Variants in NEBL observed in about 807,000 individuals in gnomAD.
NEBL encodes LIM and SH3 protein 2.
NEBL carries 122 observed loss-of-function variants against 140.2 expected under a neutral mutation model. The observed-to-expected ratio is 0.87, with a 90% CI of 0.75 to 1.01. The LOEUF is 1.01. NEBL is among the 50% of genes least tolerant of loss of function. The probability of loss-of-function intolerance (pLI) is 0.00; values close to 1 mark genes in which losing one functional copy is unlikely to be tolerated. For missense variants in NEBL, 1,365 were observed against 1,231.3 expected, an observed-to-expected ratio of 1.11 and a Z score of -1.62; for synonymous variants, 436 against 398.9, an observed-to-expected ratio of 1.09 and a Z score of -1.11.
chr10:21,278,927 T>C (rs1469331357), intron 1 of NEBL, among the ~76,000 whole-genome samples: 1 of 152,126 alleles, frequency 6.6e-6, no homozygotes. Context: ...TTGTATTGTA[T>C]GTGCATGGCA....
At chr10:21,171,814 C>G (rs1322182137) in intron 2 of NEBL, 1 of 161,242 alleles carries the variant, frequency 6.2e-6, no homozygotes, top group African/African-American at 2.4e-5. Context: ...CGGAAGTACC[C>G]GGTCTACTTC....
At chr10:20,825,767 A>T (rs1398463480) in intron 18 of NEBL, among the ~76,000 whole-genome samples, 1 of 152,184 alleles carries the variant, frequency 6.6e-6, no homozygotes, top group East Asian at 1.9e-4. Context: ...AATGGAAAAA[A>T]CAATTTATCC....
chr10:21,288,488 C>T (rs992907866), intron 1 of NEBL, among the ~76,000 whole-genome samples: 1 of 151,038 alleles, frequency 6.6e-6, no homozygotes, highest in Non-Finnish European at 1.5e-5. Context: ...AAAAGCCCGA[C>T]GCGGTGGCTC....
rs1847597957 is a variant in NEBL, at chr10:20,897,266, C to A, written c.-61G>T. ...ACTCATGTGGCGTCCTTTTCCATAC[C>A]ACAGTGCCCTTGAGATGCTGACGTC... On this transcript the variant is annotated 5_prime_UTR_variant, in exon 1 of 28. Coordinates refer to ENST00000377122, the MANE Select transcript of NEBL (RefSeq NM_006393.3). The A allele has an allele frequency of 1.2e-5, 18 of 1,524,080 alleles. No homozygotes were observed. In the South Asian group the frequency reaches 2.3e-4, roughly 19 times the overall value. 94.4% of individuals were successfully genotyped at this position (1,524,080 alleles called of 1,614,324 possible).
chr10:21,159,165 T>G (rs551229187), intron 2 of NEBL, among the ~76,000 whole-genome samples: 2 of 152,332 alleles, frequency 1.3e-5, no homozygotes, highest in South Asian at 4.1e-4. Flanking sequence ...AATTAACACT[T>G]TTTCAATCAG....
intron 2 of NEBL, among the ~76,000 whole-genome samples, chr10:21,140,780 G>C (rs1400993466): frequency 3.3e-5 from 5 of 151,988 alleles, no homozygotes; most frequent in Non-Finnish European, 7.4e-5. Flanking sequence ...ATCACACATG[G>C]GGGCCTGTCG....
At chr10:20,955,224 A>T (rs1428340893) in intron 4 of NEBL, among the ~76,000 whole-genome samples, 1 of 152,228 alleles carries the variant, frequency 6.6e-6, no homozygotes, top group Non-Finnish European at 1.5e-5. Flanking sequence ...ATGGAAAGAG[A>T]CATGGATGAT....
At chr10:20,918,380 C>T (rs1396740479) in intron 4 of NEBL, among the ~76,000 whole-genome samples, 1 of 151,630 alleles carries the variant, frequency 6.6e-6, no homozygotes, top group Admixed American at 6.6e-5. Flanking sequence ...CCAAGCTCCA[C>T]TGTTCACCGA....
chr10:20,991,358 T>A (rs1837447832), intron 3 of NEBL, among the ~76,000 whole-genome samples: 1 of 152,156 alleles, frequency 6.6e-6, no homozygotes, highest in Non-Finnish European at 1.5e-5. Context: ...ATGACAGTGT[T>A]ATAAACACTG....
At chr10:21,222,535 C>T (rs983585546) in intron 3 of NEBL, among the ~76,000 whole-genome samples, 5 of 152,032 alleles carry the variant, frequency 3.3e-5, no homozygotes, top group African/African-American at 1.2e-4. Flanking sequence ...CTTATTGCTG[C>T]CAATTCTAAA....
chr10:21,093,589 C>T (rs1034082687), intron 2 of NEBL, among the ~76,000 whole-genome samples: 8 of 152,120 alleles, frequency 5.3e-5, no homozygotes, highest in African/African-American at 1.9e-4. Context: ...GAATATGCAA[C>T]CAGATGGGGG....
intron 4 of NEBL, among the ~76,000 whole-genome samples, chr10:20,943,480 C>T (rs1045545094): frequency 6.6e-6 from 1 of 152,028 alleles, no homozygotes; most frequent in Non-Finnish European, 1.5e-5. Flanking sequence ...TAGGAATATA[C>T]CTAATGTTAA....
chr10:21,212,588 G>A (rs528928650), intron 3 of NEBL, among the ~76,000 whole-genome samples: 1 of 152,258 alleles, frequency 6.6e-6, no homozygotes, highest in African/African-American at 2.4e-5. Flanking sequence ...GAAAGGGGTG[G>A]AATCACCCGG....
chr10:21,060,406 G>A (rs545374308), intron 2 of NEBL, among the ~76,000 whole-genome samples: 1 of 152,168 alleles, frequency 6.6e-6, no homozygotes, highest in Non-Finnish European at 1.5e-5. Flanking sequence ...TACCTGGAAT[G>A]GTGGTTCTCA....
intron 2 of NEBL, among the ~76,000 whole-genome samples, chr10:20,892,851 C>T (rs777555192): frequency 6.6e-6 from 1 of 152,194 alleles, no homozygotes; most frequent in Non-Finnish European, 1.5e-5. Flanking sequence ...AAAGGCTCTT[C>T]ACAAGTGAAA....
At chr10:21,104,569 T>G (rs918297721) in intron 2 of NEBL, among the ~76,000 whole-genome samples, 1 of 152,266 alleles carries the variant, frequency 6.6e-6, no homozygotes. Context: ...GATTTTTATA[T>G]TGGCTTATAT....
At chr10:21,256,656 C>T (rs185486537) in intron 1 of NEBL, among the ~76,000 whole-genome samples, 1 of 152,044 alleles carries the variant, frequency 6.6e-6, no homozygotes, top group Admixed American at 6.6e-5. Context: ...CATAGTGAGA[C>T]CCTGTCTCTA....
intron 4 of NEBL, among the ~76,000 whole-genome samples, chr10:20,928,236 AC>A (rs1381453261): frequency 6.6e-6 from 1 of 152,204 alleles, no homozygotes; most frequent in East Asian, 1.9e-4. Context: ...TTTTCCAGTA[AC>A]TGAATTGAGT....
rs1176763018 is a variant in NEBL at position 21,169,067 on chromosome 10, AATATATATATATAT to A, written c.164+3302_164+3315del. 7.5e-3 allele frequency among the ~76,000 whole-genome samples: 173 copies of A among 23,096 alleles called. 6 individuals carry two copies. Among genetic ancestry groups the A allele is most frequent in the South Asian group, 0.015 (9 of 604 alleles). 15.2% of individuals were successfully genotyped at this position (23,096 alleles called of 152,430 possible). A position where few individuals can be genotyped will look rare whatever the true frequency, so the allele number is the denominator to read the frequency against. ...CCGTCTACAAAAAAAAAAAAAAAAA[AATATATATATATAT>A]ATATATATATATATATATATATATA... On this transcript the variant is annotated intron_variant, in intron 2 of 6. Transcript: ENST00000417816.
Sources: gnomAD v4.1 joint callset for allele counts (sites outside exome capture counted in the v4.1 genomes callset) on GRCh38, gnomAD v4.1.1 for gene constraint, MANE v1.5 for transcripts, NCBI Gene and HGNC (gene_info 2026-07-23, HGNC 2026-07-21) for gene names.